ALDH7A1: variants seen among roughly 807,000 people sequenced by gnomAD.
The protein encoded by ALDH7A1 is alpha-aminoadipic semialdehyde dehydrogenase.
A neutral mutation model predicts 79.9 loss-of-function variants in ALDH7A1; 63 were observed. That is an observed-to-expected ratio of 0.79 (90% CI 0.64 to 0.97). The LOEUF (loss-of-function observed/expected upper bound fraction) is 0.97. Ranked by LOEUF, ALDH7A1 falls within the 50% of genes least tolerant of loss-of-function variation. The pLI is 0.00. For missense variants in ALDH7A1, 627 were observed against 665.2 expected, an observed-to-expected ratio of 0.94 and a Z score of 0.63; for synonymous variants, 240 against 231.2, an observed-to-expected ratio of 1.04 and a Z score of -0.34.
chr5:126,549,005 T>C (rs370577206), intron 16 of ALDH7A1, among the ~76,000 whole-genome samples: 23 of 120,342 alleles, frequency 1.9e-4, no homozygotes, highest in African/African-American at 6.9e-4. Context: ...GCCTGGGAGG[T>C]GGTGGCTGCA....
intron 14 of ALDH7A1, 57 bp from the exon 15 acceptor site, chr5:126,550,350 C>G: frequency 7.5e-7 from 1 of 1,325,824 alleles, no homozygotes; most frequent in African/African-American, 1.4e-5. Context: ...TCAAAGTTCA[C>G]TGACATTAAA....
intron 3 of ALDH7A1, among the ~76,000 whole-genome samples, chr5:126,584,719 G>A (rs1375070045): frequency 4.6e-4 from 65 of 139,946 alleles, no homozygotes; most frequent in African/African-American, 2.8e-5. Flanking sequence ...GTGGATTCAC[G>A]GTCTGTTTTG....
At chr5:126,563,871 C>T (rs1339571526) in intron 9 of ALDH7A1, among the ~76,000 whole-genome samples, 1 of 152,018 alleles carries the variant, frequency 6.6e-6, no homozygotes, top group Non-Finnish European at 1.5e-5. Context: ...TCACTGCAGC[C>T]TCAATTTCTG....
intron 1 of ALDH7A1, chr5:126,594,324 G>T: frequency 4.3e-6 from 2 of 467,226 alleles, no homozygotes; most frequent in Admixed American, 4.7e-5. Context: ...AACGTTACCT[G>T]CGGTGCACGT....
At chr5:126,584,241 T>G (rs1322149385) in intron 3 of ALDH7A1, 5 of 518,042 alleles carry the variant, frequency 9.7e-6, no homozygotes, top group Non-Finnish European at 1.7e-5. Flanking sequence ...CAACAAATAA[T>G]TACAAATTGC....
chr5:126,563,733 C>T (rs1358312281), intron 9 of ALDH7A1, among the ~76,000 whole-genome samples: 18 of 152,218 alleles, frequency 1.2e-4, no homozygotes, highest in South Asian at 4.2e-4. Context: ...TCGGGTGATC[C>T]GCCCGCCTCA....
chr5:126,548,812 C>A (rs956107054), intron 16 of ALDH7A1, among the ~76,000 whole-genome samples: 8 of 146,862 alleles, frequency 5.4e-5, no homozygotes. Context: ...GTAATCCCAA[C>A]ACTCTGGGAA....
rs1220101877 is a variant in ALDH7A1 at position 126,584,230 on chromosome 5, G to C, written c.313-218C>G. On this transcript the variant is annotated intron_variant, in intron 3 of 17. Coordinates refer to ENST00000409134, the MANE Select transcript of ALDH7A1 (RefSeq NM_001182.5). ...TGGAAGGCACAGAGGAGAAGAAAAG[G>C]CAACAAATAATTACAAATTGCCAAC... is the stretch of plus-strand genomic sequence containing the variant. 3 of 530,340 alleles carry C rather than the reference G, an allele frequency of 5.7e-6. No homozygotes were observed. The South Asian group carries it at 8.0e-5, about 14-fold the overall frequency. The allele number at this position is 530,340 out of a possible 1,614,324, so 32.9% of individuals were successfully genotyped here. A position where few individuals can be genotyped will look rare whatever the true frequency, so the allele number is the denominator to read the frequency against.
chr5:126,581,797 G>C (rs1038605919), intron 5 of ALDH7A1: 2 of 184,042 alleles, frequency 1.1e-5, no homozygotes, highest in African/African-American at 4.7e-5. Context: ...GGCCAGGATG[G>C]TGAAACCCCA....
At chr5:126,578,006 C>T (rs534893022) in intron 5 of ALDH7A1, among the ~76,000 whole-genome samples, 3 of 149,152 alleles carry the variant, frequency 2.0e-5, no homozygotes, top group East Asian at 2.1e-4. Flanking sequence ...TTATGCAGGC[C>T]GGGCGTGGTG....
intron 12 of ALDH7A1, 30 bp downstream of exon 12, chr5:126,555,901 A>G: frequency 6.5e-7 from 1 of 1,539,018 alleles, no homozygotes; most frequent in Non-Finnish European, 9.0e-7. Context: ...TCAAAAAGGG[A>G]TCGCTTTGAA....
intron 11 of ALDH7A1, among the ~76,000 whole-genome samples, chr5:126,557,831 T>C (rs1017094982): frequency 6.6e-6 from 1 of 151,842 alleles, no homozygotes; most frequent in Non-Finnish European, 1.5e-5. Flanking sequence ...TTAAAAATAA[T>C]TTTTTTTAAA....
chr5:126,564,613 G>C (rs903237962), intron 9 of ALDH7A1: 1 of 1,226,028 alleles, frequency 8.2e-7, no homozygotes, highest in South Asian at 4.2e-5. Context: ...TAAGCATCAA[G>C]TGAATATTAA....
At chr5:126,550,028 G>A (rs777227465) in intron 15 of ALDH7A1, 26 bp from the exon 16 acceptor site, 4 of 1,606,068 alleles carry the variant, frequency 2.5e-6, no homozygotes, top group Non-Finnish European at 3.4e-6. Flanking sequence ...GGCATGGTGA[G>A]AGCAATGAAC....
intron 3 of ALDH7A1, among the ~76,000 whole-genome samples, chr5:126,590,231 G>C (rs761123825): frequency 6.7e-6 from 1 of 150,252 alleles, no homozygotes; most frequent in Admixed American, 6.6e-5. Context: ...GCCTCTGCCC[G>C]GCCGCTGCCC....
intron 17 of ALDH7A1, 29 bp from the exon 18 acceptor site, chr5:126,545,048 A>G: frequency 6.7e-7 from 1 of 1,494,624 alleles, no homozygotes; most frequent in Non-Finnish European, 9.3e-7. Flanking sequence ...AGAATTAATG[A>G]CAGTACATAC....
chr5:126,563,998 G>C (rs1409009193), intron 9 of ALDH7A1, among the ~76,000 whole-genome samples: 2 of 151,774 alleles, frequency 1.3e-5, no homozygotes, highest in East Asian at 3.9e-4. Context: ...TGTTGCCCAG[G>C]CTCTGGTCTC....
chr5:126,559,584 C>T (rs1227399374), intron 10 of ALDH7A1, among the ~76,000 whole-genome samples: 2 of 151,968 alleles, frequency 1.3e-5, no homozygotes, highest in South Asian at 2.1e-4. Context: ...AAGCATGTGC[C>T]ACCACGCTTG....
chr5:126,572,329 A>G (rs1268991327), intron 7 of ALDH7A1, among the ~76,000 whole-genome samples: 1 of 152,222 alleles, frequency 6.6e-6, no homozygotes. Flanking sequence ...GTCCAAGACC[A>G]GGTTTCAGGA....
Sources: allele counts gnomAD v4.1 joint callset (sites outside exome capture counted in the v4.1 genomes callset), GRCh38; gene constraint gnomAD v4.1.1; transcripts MANE v1.5; gene names NCBI Gene and HGNC (gene_info 2026-07-23, HGNC 2026-07-21).